Variants in ARHGEF26 observed in about 807,000 individuals in gnomAD.
ARHGEF26 encodes Rho guanine nucleotide exchange factor 26, also known as Rho guanine nucleotide exchange factor (GEF) 26.
In ARHGEF26, 59 loss-of-function variants were observed where a neutral mutation model predicts 89.4. That is an observed-to-expected ratio of 0.66 (90% CI 0.54 to 0.82). The LOEUF (loss-of-function observed/expected upper bound fraction) is 0.82, where lower values mean the gene tolerates loss of function less well. Among genes scored for constraint, ARHGEF26 ranks in the 40% least tolerant of loss-of-function variants. The probability of loss-of-function intolerance (pLI) is 0.00; values close to 1 mark genes in which losing one functional copy is unlikely to be tolerated. For synonymous variants in ARHGEF26, 500 were observed against 428.4 expected (o/e 1.17, Z -2.06); for missense variants, 1,234 against 1,085.6 (o/e 1.14, Z -1.92).
chr3:154,121,920 T>G, intron 1 of ARHGEF26, 22 bp from the exon 2 acceptor site: 2 of 1,508,850 alleles, frequency 1.3e-6, no homozygotes, highest in Non-Finnish European at 1.8e-6. Flanking sequence ...AGGCACAGTT[T>G]CCTAACTTCT....
intron 11 of ARHGEF26, among the ~76,000 whole-genome samples, chr3:154,233,684 T>A (rs1046781678): frequency 1.3e-5 from 2 of 152,202 alleles, no homozygotes; most frequent in Non-Finnish European, 2.9e-5. Flanking sequence ...AGATAGAGTT[T>A]CAGGATTCAC....
chr3:154,219,445 A>G (rs1173770658), intron 10 of ARHGEF26, among the ~76,000 whole-genome samples: 4 of 152,066 alleles, frequency 2.6e-5, no homozygotes, highest in Non-Finnish European at 5.9e-5. Flanking sequence ...AAATACAAAA[A>G]TTAGCCGGGT....
chr3:154,197,267 A>G (rs1354877499), intron 9 of ARHGEF26, among the ~76,000 whole-genome samples: 2 of 152,158 alleles, frequency 1.3e-5, no homozygotes, highest in African/African-American at 2.4e-5. Context: ...GAAATCGTTG[A>G]TATAGTCAGC....
intron 6 of ARHGEF26, among the ~76,000 whole-genome samples, chr3:154,158,619 C>A (rs975190958): frequency 2.0e-5 from 3 of 152,090 alleles, no homozygotes; most frequent in African/African-American, 7.2e-5. Flanking sequence ...AATTCATGAG[C>A]TTTTCCTGGT....
intron 9 of ARHGEF26, among the ~76,000 whole-genome samples, chr3:154,214,772 G>A (rs1275747367): frequency 6.6e-6 from 1 of 152,096 alleles, no homozygotes; most frequent in Non-Finnish European, 1.5e-5. Flanking sequence ...GTTTCACCCT[G>A]ATATGCCCTG....
intron 6 of ARHGEF26, among the ~76,000 whole-genome samples, chr3:154,181,798 T>C (rs944541122): frequency 2.0e-5 from 3 of 152,178 alleles, no homozygotes; most frequent in African/African-American, 7.2e-5. Flanking sequence ...AGCCAACTTG[T>C]GGTCAATTAA....
In ARHGEF26 at chr3:154,123,068, G is replaced by A. The variant is rs1018525592; in HGVS notation, c.1076G>A (p.Arg359Lys). 6.2e-7 allele frequency: 1 copy of A among 1,613,808 alleles called. No homozygotes were observed. Among genetic ancestry groups the A allele is most frequent in the Admixed American group, 1.7e-5 (1 of 60,004 alleles). Residue 359 changes from arginine (R) to lysine (K), a missense_variant, in exon 2 of 15, where the codon AGG becomes AAG. Arg to Lys is a conservative substitution (Grantham distance 26). Transcript: ENST00000465093. ...EDKEKFSSLG[R>K]IKKKMLKGQG... ...AAGGAGAAGTTTTCCAGTCTGGGAA[G>A]GATAAAGGTAAAAGTGGGCAGGAGT...
intron 9 of ARHGEF26, among the ~76,000 whole-genome samples, chr3:154,203,331 C>G (rs1415890117): frequency 6.6e-6 from 1 of 152,176 alleles, no homozygotes; most frequent in Non-Finnish European, 1.5e-5. Flanking sequence ...ACCAGCCCTG[C>G]ATCCCAGGGA....
intron 11 of ARHGEF26, 135 bp downstream of exon 11, chr3:154,226,145 C>G: frequency 1.4e-6 from 1 of 731,338 alleles, no homozygotes; most frequent in Non-Finnish European, 2.1e-6. Flanking sequence ...ATCATAATTG[C>G]ATCTATGGTT....
In ARHGEF26 at chr3:154,256,241, A is replaced by G; in HGVS notation, c.*768A>G. 3.0e-6 allele frequency: 3 copies of G among 985,476 alleles called. No homozygotes were observed. The highest frequency in any genetic ancestry group is 3.6e-6 in the Non-Finnish European group (3 of 829,978). The allele number at this position is 985,476 out of a possible 1,614,324, so 61.0% of individuals were successfully genotyped here. A position where few individuals can be genotyped will look rare whatever the true frequency, so the allele number is the denominator to read the frequency against. ...AACCTGAATATAGGACAGGGGTCCT[A>G]CTTTTTTCCCCACCTCTGTCGCCCA... On this transcript the variant is annotated 3_prime_UTR_variant, in exon 15 of 15. Coordinates refer to ENST00000465093, the MANE Select transcript of ARHGEF26 (RefSeq NM_015595.4).
intron 9 of ARHGEF26, among the ~76,000 whole-genome samples, chr3:154,207,098 T>C (rs1016386235): frequency 6.6e-6 from 1 of 152,102 alleles, no homozygotes; most frequent in Non-Finnish European, 1.5e-5. Flanking sequence ...TTATACCATA[T>C]ACAAAAATCA....
intron 7 of ARHGEF26, among the ~76,000 whole-genome samples, 200 bp from the exon 8 acceptor site, chr3:154,191,086 CTTA>C (rs1323327189): frequency 1.3e-5 from 2 of 152,138 alleles, no homozygotes; most frequent in African/African-American, 2.4e-5. Flanking sequence ...AAATCCACAT[CTTA>C]TTATATTCAG....
At chr3:154,132,384 A>G (rs779757482) in intron 4 of ARHGEF26, among the ~76,000 whole-genome samples, 1 of 151,996 alleles carries the variant, frequency 6.6e-6, no homozygotes. Flanking sequence ...CTCCCCAGAG[A>G]TAACCACTAT....
Position 154,124,456 on chromosome 3 carries a change from A to C in ARHGEF26, c.1123+7A>C. ...GGAACATTTGATGGGGAAGGTAAGC[A>C]TTTAATTTTCCAAACTTTCATTGCT... is the stretch of plus-strand genomic sequence containing the variant. On this transcript the variant is annotated splice_region_variant and intron_variant, in intron 3 of 14. Transcript: ENST00000465093. 1 of 1,541,318 alleles carries C rather than the reference A, an allele frequency of 6.5e-7. No individual in the cohort carries two copies. The highest frequency in any genetic ancestry group is 8.7e-7 in the Non-Finnish European group (1 of 1,151,614).
chr3:154,156,334 C>T (rs1408972611), intron 6 of ARHGEF26, among the ~76,000 whole-genome samples: 1 of 151,936 alleles, frequency 6.6e-6, no homozygotes. Flanking sequence ...AAAATTTTAT[C>T]TCTGTCATAG....
In ARHGEF26 at chr3:154,257,091, C is replaced by G. The variant is rs1718571570; in HGVS notation, c.*1618C>G. The G allele has an allele frequency of 1.9e-5, 25 of 1,284,144 alleles. No homozygotes were observed. In the South Asian group the frequency reaches 3.7e-4, roughly 19 times the overall value. The allele number at this position is 1,284,144 out of a possible 1,614,324, so 79.5% of individuals were successfully genotyped here. Reference sequence around the variant, plus strand: ...CTAACTAGTTATCCAAATTGTAAAGCTACAGAAGCCCAGTTGAGGGGTAAG... The same window carrying G: ...CTAACTAGTTATCCAAATTGTAAAGGTACAGAAGCCCAGTTGAGGGGTAAG... On this transcript the variant is annotated 3_prime_UTR_variant, in exon 15 of 15. Transcript: ENST00000465093.
At chr3:154,133,845 T>A (rs528835037) in intron 4 of ARHGEF26, among the ~76,000 whole-genome samples, 1 of 152,224 alleles carries the variant, frequency 6.6e-6, no homozygotes, top group South Asian at 2.1e-4. Context: ...GGAATATTTG[T>A]CCATTTGTTT....
chr3:154,123,068 G>T lies in ARHGEF26; in HGVS notation c.1076G>T (p.Arg359Met), dbSNP rs1018525592. 1.9e-6 allele frequency: 3 copies of T among 1,613,808 alleles called. No individual in the cohort carries two copies. The highest frequency in any genetic ancestry group is 4.5e-5 in the East Asian group (2 of 44,884). ...AAGGAGAAGTTTTCCAGTCTGGGAA[G>T]GATAAAGGTAAAAGTGGGCAGGAGT... ...EDKEKFSSLG[R>M]IKKKMLKGQG... Residue 359 changes from arginine (R) to methionine (M), a missense_variant, in exon 2 of 15, where the codon AGG (arginine) becomes ATG (methionine). By Grantham distance (91) the Arg-to-Met change is moderately conservative. Coordinates refer to ENST00000465093, the MANE Select transcript of ARHGEF26 (RefSeq NM_015595.4).
At chr3:154,216,483 T>TTA in intron 9 of ARHGEF26, among the ~76,000 whole-genome samples, 2 of 28,054 alleles carry the variant, frequency 7.1e-5, no homozygotes, top group African/African-American at 3.0e-4. Flanking sequence ...CACTTGTTTT[T>TTA]TTTTTTTTAT....
Sources: allele counts gnomAD v4.1 joint callset (sites outside exome capture counted in the v4.1 genomes callset), GRCh38; gene constraint gnomAD v4.1.1; transcripts MANE v1.5; gene names NCBI Gene and HGNC (gene_info 2026-07-23, HGNC 2026-07-21).